The following POLDIP3 variants were observed in gnomAD, a reference collection of about 807,000 sequenced individuals.
The protein encoded by POLDIP3 is DNA polymerase delta interacting protein 3, also known as polymerase delta-interacting protein 3.
In POLDIP3, 14 loss-of-function variants were observed where a neutral mutation model predicts 45.1. That is an observed-to-expected ratio of 0.31 (90% CI 0.20 to 0.49). The LOEUF is 0.49. POLDIP3 is among the 20% of genes least tolerant of loss of function. The pLI is 0.99. For synonymous variants in POLDIP3, 223 were observed against 205.2 expected (o/e 1.09, Z -0.74); for missense variants, 511 against 538.8 (o/e 0.95, Z 0.51).
intron 4 of POLDIP3, among the ~76,000 whole-genome samples, chr22:42,599,380 G>T (rs999620126): frequency 2.6e-5 from 4 of 152,220 alleles, no homozygotes; most frequent in Non-Finnish European, 5.9e-5. Context: ...GAGGCGTGCG[G>T]ATCACCTGAG....
At chr22:42,586,086 C>A (rs1055950371) in intron 8 of POLDIP3, 118 bp from the exon 9 acceptor site, 2 of 897,774 alleles carry the variant, frequency 2.2e-6, no homozygotes, top group Admixed American at 3.0e-5. Flanking sequence ...ACTTTCCATA[C>A]CCCTTCATCT....
At chr22:42,591,859 C>T in intron 7 of POLDIP3, 96 bp downstream of exon 7, 2 of 1,493,426 alleles carry the variant, frequency 1.3e-6, no homozygotes, top group Non-Finnish European at 1.8e-6. Context: ...AGATGGGTTC[C>T]ACCCATCTCA....
At chr22:42,600,498 C>T (rs1926287883) in intron 3 of POLDIP3, among the ~76,000 whole-genome samples, 1 of 151,930 alleles carries the variant, frequency 6.6e-6, no homozygotes, top group African/African-American at 2.4e-5. Context: ...TGGTGGCATG[C>T]GCCTGTAGTC....
intron 7 of POLDIP3, among the ~76,000 whole-genome samples, chr22:42,588,567 TA>T (rs919577465): frequency 6.2e-5 from 9 of 145,162 alleles, no homozygotes; most frequent in Non-Finnish European, 4.6e-5. Context: ...TGAATTCAAA[TA>T]AAAAAAAAAC....
At position 42,603,225 on chromosome 22, in the gene POLDIP3, G is replaced by C. The variant is rs1926515979; in HGVS notation, c.60-65C>G. The C allele has an allele frequency of 9.1e-6, 14 of 1,544,760 alleles. No individual in the cohort carries two copies. In the Middle Eastern group the frequency reaches 5.2e-4, roughly 57 times the overall value. On this transcript the variant is annotated intron_variant, in intron 1 of 8. Coordinates refer to ENST00000252115, the MANE Select transcript of POLDIP3 (RefSeq NM_032311.5). The stretch of plus-strand genomic sequence containing the variant: ...GTATCTACAGCAGTCTATGAAAGCG[G>C]AACTGTGGTAACACTGGGGACAGAG...
chr22:42,602,542 A>G (rs1404180453), intron 2 of POLDIP3, among the ~76,000 whole-genome samples: 1 of 151,040 alleles, frequency 6.6e-6, no homozygotes, highest in Non-Finnish European at 1.5e-5. Flanking sequence ...AAGTCACCAA[A>G]TTTCTATGGG....
At chr22:42,603,277 T>G in intron 1 of POLDIP3, 117 bp from the exon 2 acceptor site, 1 of 1,076,578 alleles carries the variant, frequency 9.3e-7, no homozygotes, top group East Asian at 2.4e-5. Context: ...AGAAAGCGGC[T>G]CCTTGCCTGT....
At chr22:42,611,621 C>T (rs982056797) in intron 1 of POLDIP3, among the ~76,000 whole-genome samples, 4 of 152,138 alleles carry the variant, frequency 2.6e-5, no homozygotes, top group Admixed American at 6.5e-5. Flanking sequence ...TGGCCAGGCA[C>T]GGTGGCACTT....
At chr22:42,606,797 T>C (rs755008175) in intron 1 of POLDIP3, among the ~76,000 whole-genome samples, 3 of 152,130 alleles carry the variant, frequency 2.0e-5, no homozygotes, top group Non-Finnish European at 4.4e-5. Flanking sequence ...AATCAGGTTA[T>C]TGTTCACATC....
intron 7 of POLDIP3, among the ~76,000 whole-genome samples, chr22:42,588,751 C>T (rs1925481999): frequency 6.6e-6 from 1 of 151,650 alleles, no homozygotes; most frequent in African/African-American, 2.4e-5. Flanking sequence ...GCCTCAGCCT[C>T]CGGAGTAACT....
chr22:42,589,774 G>A (rs943171112), intron 7 of POLDIP3, among the ~76,000 whole-genome samples: 1 of 151,240 alleles, frequency 6.6e-6, no homozygotes, highest in Non-Finnish European at 1.5e-5. Context: ...AACCCGGGAG[G>A]CAGAGGTTGC....
chr22:42,592,048 G>T lies in POLDIP3; in HGVS notation c.928C>A (p.Arg310=), dbSNP rs1601885860. Reference sequence around the variant, plus strand: ...TCCGCTACCCCAGGATGGACCAGTCGAGCTCGCTTGAGGGCCCCACACACA... The same window carrying T: ...TCCGCTACCCCAGGATGGACCAGTCTAGCTCGCTTGAGGGCCCCACACACA... The part of the protein sequence containing the change: ...FCVCGALKRA[R]LVHPGVAEVV... Residue 310 remains arginine, a synonymous_variant, in exon 7 of 9, where the codon CGA becomes AGA. Transcript: ENST00000252115. The T allele has an allele frequency of 6.2e-7, 1 of 1,614,196 alleles. No homozygotes were observed. The highest frequency in any genetic ancestry group is 8.5e-7 in the Non-Finnish European group (1 of 1,180,032).
At position 42,602,016 on chromosome 22, in the gene POLDIP3, G is replaced by A. The variant is rs556594144; in HGVS notation, c.491C>T (p.Pro164Leu). ...QKAMAPLHPH[P>L]AGMRINVVNN... ...GACAACATTGATTCTCATTCCGGCA[G>A]GATGGGGATGAAGTGGTGCCATGGC... The change falls in exon 3 of 9, where the codon CCT becomes CTT. Residue 164 changes from proline to leucine, a missense_variant. Coordinates refer to ENST00000252115, the MANE Select transcript of POLDIP3 (RefSeq NM_032311.5). 2 of 1,614,140 alleles carry A rather than the reference G, an allele frequency of 1.2e-6. No individual in the cohort carries two copies. The highest frequency in any genetic ancestry group is 1.1e-5 in the South Asian group (1 of 91,078).
chr22:42,600,613 G>A (rs533875832), intron 3 of POLDIP3, among the ~76,000 whole-genome samples: 4 of 149,922 alleles, frequency 2.7e-5, no homozygotes, highest in East Asian at 4.0e-4. Context: ...GTGACAGAGC[G>A]AGACTCGGTC....
intron 6 of POLDIP3, among the ~76,000 whole-genome samples, chr22:42,594,882 A>G (rs1332970538): frequency 6.6e-6 from 1 of 152,216 alleles, no homozygotes; most frequent in Non-Finnish European, 1.5e-5. Context: ...ACTATTGGAT[A>G]CTGCCCAGTG....
chr22:42,610,030 C>T (rs1280188174), intron 1 of POLDIP3, among the ~76,000 whole-genome samples: 2 of 152,132 alleles, frequency 1.3e-5, no homozygotes, highest in Middle Eastern at 3.4e-3. Flanking sequence ...AAAAATTAGC[C>T]GGGCGTAGTG....
At chr22:42,589,131 C>G (rs989331969) in intron 7 of POLDIP3, among the ~76,000 whole-genome samples, 5 of 151,672 alleles carry the variant, frequency 3.3e-5, no homozygotes, top group Non-Finnish European at 7.4e-5. Flanking sequence ...TAGTCTCAGC[C>G]ACTCAGGAGG....
chr22:42,585,905 G>A lies in POLDIP3; in HGVS notation c.1152C>T (p.Ala384=). The A allele has an allele frequency of 6.2e-7, 1 of 1,613,536 alleles. No homozygotes were observed. The highest frequency in any genetic ancestry group is 8.5e-7 in the Non-Finnish European group (1 of 1,179,982). The stretch of plus-strand genomic sequence containing the variant: ...CTTCGGCAGGGGGGTTGGAGGAGGA[G>A]GCAGAGTTCACCCTGCGAGGCAGCT... ...ESELPRRVNS[A]SSSNPPAEVD... Residue 384 remains alanine (A), a synonymous_variant, in exon 9 of 9, where the codon GCC becomes GCT. Coordinates refer to ENST00000252115, the MANE Select transcript of POLDIP3 (RefSeq NM_032311.5).
intron 1 of POLDIP3, among the ~76,000 whole-genome samples, chr22:42,613,322 G>A (rs1211104934): frequency 2.0e-5 from 3 of 152,206 alleles, no homozygotes; most frequent in Non-Finnish European, 1.5e-5. Context: ...CGAACCACAA[G>A]CCAGGTAAGT....
Sources: gnomAD v4.1 joint callset for allele counts (sites outside exome capture counted in the v4.1 genomes callset) on GRCh38, gnomAD v4.1.1 for gene constraint, MANE v1.5 for transcripts, NCBI Gene and HGNC (gene_info 2026-07-23, HGNC 2026-07-21) for gene names.